PIP5K1B: variants seen among roughly 807,000 people sequenced by gnomAD.
The protein encoded by PIP5K1B is phosphatidylinositol 4-phosphate 5-kinase type-1 beta.
In PIP5K1B, 42 loss-of-function variants were observed where a neutral mutation model predicts 67.0. The observed-to-expected ratio is 0.63, with a 90% CI of 0.49 to 0.81. The LOEUF (loss-of-function observed/expected upper bound fraction) is 0.81, where lower values mean the gene tolerates loss of function less well. Ranked by LOEUF, PIP5K1B falls within the 30% of genes least tolerant of loss-of-function variation. The pLI, the probability that PIP5K1B is intolerant of heterozygous loss-of-function variation, is 0.00. For synonymous variants in PIP5K1B, 214 were observed against 231.4 expected (o/e 0.92, Z 0.68); for missense variants, 459 against 646.3 (o/e 0.71, Z 3.14).
chr9:68,890,980 G>A (rs1288964119), intron 7 of PIP5K1B, among the ~76,000 whole-genome samples: 1 of 152,292 alleles, frequency 6.6e-6, no homozygotes, highest in South Asian at 2.1e-4. Flanking sequence ...AGGAATGGTG[G>A]CTCACACCTG....
chr9:68,756,637 T>A (rs1257693842), intron 2 of PIP5K1B, among the ~76,000 whole-genome samples: 1 of 152,232 alleles, frequency 6.6e-6, no homozygotes, highest in African/African-American at 2.4e-5. Flanking sequence ...TCTCTCTATA[T>A]GTTTTCTCTA....
chr9:68,946,478 C>T (rs10781286), intron 14 of PIP5K1B, among the ~76,000 whole-genome samples: 95,006 of 151,756 alleles, frequency 0.63, 33,168 homozygotes, highest in Non-Finnish European at 0.77. Context: ...CTGCAACCTC[C>T]ACCTCCCGGG....
intron 14 of PIP5K1B, among the ~76,000 whole-genome samples, chr9:68,943,194 T>G (rs1262804650): frequency 6.6e-6 from 1 of 152,198 alleles, no homozygotes; most frequent in East Asian, 1.9e-4. Context: ...CTCCTGGCAT[T>G]TATCAGCTGG....
intron 4 of PIP5K1B, among the ~76,000 whole-genome samples, chr9:68,826,055 G>A (rs1833962219): frequency 6.6e-6 from 1 of 152,146 alleles, no homozygotes; most frequent in South Asian, 2.1e-4. Flanking sequence ...GGCAAGCCCG[G>A]GAAGAACAGC....
chr9:68,871,543 C>G (rs1823626360), intron 5 of PIP5K1B, among the ~76,000 whole-genome samples: 1 of 152,184 alleles, frequency 6.6e-6, no homozygotes, highest in East Asian at 1.9e-4. Flanking sequence ...TAAAAATGAA[C>G]TTGCCTCAGA....
At chr9:68,772,954 C>T (rs1403948272) in intron 2 of PIP5K1B, among the ~76,000 whole-genome samples, 8 of 152,138 alleles carry the variant, frequency 5.3e-5, no homozygotes, top group Non-Finnish European at 1.0e-4. Context: ...ATTATTTTAT[C>T]TTTACAACAA....
rs563673684 is a variant in PIP5K1B, at chr9:68,754,570, A to G, written c.-86+11913A>G. Among the ~76,000 whole-genome samples, 3 of 152,054 alleles carry G rather than the reference A, an allele frequency of 2.0e-5. No homozygotes were observed. In the East Asian group the frequency reaches 5.8e-4, roughly 29 times the overall value. ...TTTTATGAATGTGAATTTTTACCCC[A>G]TTTTATTTTTTACCTGGCTCTTTCT... is the stretch of plus-strand genomic sequence containing the variant. On this transcript the variant is annotated intron_variant, in intron 2 of 15. Transcript: ENST00000265382.
chr9:68,771,514 G>A (rs1830669433), intron 2 of PIP5K1B, among the ~76,000 whole-genome samples: 1 of 152,116 alleles, frequency 6.6e-6, no homozygotes, highest in South Asian at 2.1e-4. Context: ...AGACCCCTGG[G>A]CTCAAATTCC....
At chr9:68,917,525 TC>T in intron 8 of PIP5K1B, 22 bp from the exon 9 acceptor site, 1 of 1,587,648 alleles carries the variant, frequency 6.3e-7, no homozygotes, top group Non-Finnish European at 8.6e-7. Flanking sequence ...TTGACTGGCT[TC>T]CTGGTTCTTT....
intron 12 of PIP5K1B, among the ~76,000 whole-genome samples, chr9:68,929,658 T>A (rs1246071667): frequency 6.6e-6 from 1 of 151,896 alleles, no homozygotes; most frequent in Non-Finnish European, 1.5e-5. Context: ...TTTCAGTTTT[T>A]TTTGTTTTTG....
At chr9:68,818,685 A>G (rs1365963250) in intron 3 of PIP5K1B, 140 bp downstream of exon 3, 1 of 152,268 alleles carries the variant, frequency 6.6e-6, no homozygotes, top group Non-Finnish European at 1.5e-5. Flanking sequence ...TCAAATTTGA[A>G]TAAAACATCA....
chr9:68,850,116 T>C (rs1477792598), intron 4 of PIP5K1B, among the ~76,000 whole-genome samples: 1 of 152,172 alleles, frequency 6.6e-6, no homozygotes, highest in Non-Finnish European at 1.5e-5. Flanking sequence ...TTCTATCTTG[T>C]TTTTCTACCA....
chr9:68,768,278 G>A (rs956829866), intron 2 of PIP5K1B, among the ~76,000 whole-genome samples: 4 of 152,190 alleles, frequency 2.6e-5, no homozygotes, highest in African/African-American at 9.6e-5. Context: ...AGGAAAAAGT[G>A]GATGTATACA....
chr9:68,897,590 G>A (rs1022209835), intron 8 of PIP5K1B, among the ~76,000 whole-genome samples: 3 of 152,158 alleles, frequency 2.0e-5, no homozygotes, highest in Non-Finnish European at 2.9e-5. Flanking sequence ...GCAGTTAATA[G>A]GGAGAGCATG....
At chr9:68,926,073 GCT>G (rs1283372069) in intron 12 of PIP5K1B, among the ~76,000 whole-genome samples, 1 of 151,720 alleles carries the variant, frequency 6.6e-6, no homozygotes, top group Non-Finnish European at 1.5e-5. Context: ...GGGATTACAG[GCT>G]TAAGCCACCG....
At chr9:68,915,263 A>G (rs760814088) in intron 8 of PIP5K1B, among the ~76,000 whole-genome samples, 5 of 151,926 alleles carry the variant, frequency 3.3e-5, no homozygotes, top group African/African-American at 4.8e-5. Context: ...GCACTGATAA[A>G]TATGAGTAGG....
At chr9:68,735,372 T>C (rs558792377) in intron 1 of PIP5K1B, among the ~76,000 whole-genome samples, 5 of 136,218 alleles carry the variant, frequency 3.7e-5, no homozygotes, top group Middle Eastern at 3.6e-3. Flanking sequence ...CAGGATCCCA[T>C]CTGGAATACC....
chr9:68,971,355 T>C (rs1296174144), intron 14 of PIP5K1B, among the ~76,000 whole-genome samples: 1 of 152,246 alleles, frequency 6.6e-6, no homozygotes, highest in Non-Finnish European at 1.5e-5. Context: ...TAGTATTCCA[T>C]GGTGTATATG....
At chr9:68,789,282 G>C (rs1387105958) in intron 2 of PIP5K1B, 1 of 423,548 alleles carries the variant, frequency 2.4e-6, no homozygotes. Context: ...GAGGATATTT[G>C]ACTCGGTAGC....
Sources: gnomAD v4.1 joint callset for allele counts (sites outside exome capture counted in the v4.1 genomes callset) on GRCh38, gnomAD v4.1.1 for gene constraint, MANE v1.5 for transcripts, NCBI Gene and HGNC (gene_info 2026-07-23, HGNC 2026-07-21) for gene names.